Variants in MAGI2 observed in about 807,000 individuals in gnomAD.
The protein encoded by MAGI2 is membrane-associated guanylate kinase, WW and PDZ domain-containing protein 2.
MAGI2 carries 35 observed loss-of-function variants against 133.3 expected under a neutral mutation model. That is an observed-to-expected ratio of 0.26 (90% CI 0.20 to 0.35). The LOEUF is 0.35. Among genes scored for constraint, MAGI2 ranks in the 10% least tolerant of loss-of-function variants. The pLI is 1.00. For missense variants in MAGI2, 1,636 were observed against 1,863.4 expected (o/e 0.88, Z 2.25); for synonymous variants, 729 against 710.6 (o/e 1.03, Z -0.41).
At chr7:78,027,969 A>C (rs1246623714) in intron 21 of MAGI2, among the ~76,000 whole-genome samples, 10 of 152,334 alleles carry the variant, frequency 6.6e-5, no homozygotes, top group Admixed American at 5.9e-4. Flanking sequence ...ATTTTCTTTT[A>C]ATTTAGAATA....
intron 10 of MAGI2, among the ~76,000 whole-genome samples, chr7:78,206,508 G>C (rs1195457420): frequency 6.6e-6 from 1 of 151,968 alleles, no homozygotes; most frequent in African/African-American, 2.4e-5. Flanking sequence ...GGCCAGGCTG[G>C]TCTCAAACTC....
At chr7:78,774,369 A>G (rs1825818737) in intron 2 of MAGI2, among the ~76,000 whole-genome samples, 1 of 152,190 alleles carries the variant, frequency 6.6e-6, no homozygotes, top group Non-Finnish European at 1.5e-5. Flanking sequence ...AAAAGGCAAT[A>G]TCATAAACAT....
chr7:79,260,594 T>G (rs1437393733), intron 1 of MAGI2, among the ~76,000 whole-genome samples: 7 of 151,898 alleles, frequency 4.6e-5, no homozygotes. Flanking sequence ...TACTCAAAAA[T>G]CCAAAAATTT....
intron 21 of MAGI2, among the ~76,000 whole-genome samples, chr7:78,065,275 A>T (rs1194416595): frequency 6.6e-6 from 1 of 152,120 alleles, no homozygotes; most frequent in African/African-American, 2.4e-5. Flanking sequence ...CCCAGGGAGG[A>T]TGCTCTGAAA....
At chr7:78,030,546 C>T (rs1809458715) in intron 21 of MAGI2, among the ~76,000 whole-genome samples, 1 of 152,218 alleles carries the variant, frequency 6.6e-6, no homozygotes, top group Non-Finnish European at 1.5e-5. Context: ...TGAGCCACTG[C>T]ACCCGGCCTG....
chr7:78,498,617 G>A (rs1019391442), intron 5 of MAGI2, among the ~76,000 whole-genome samples: 2 of 152,146 alleles, frequency 1.3e-5, no homozygotes, highest in African/African-American at 4.8e-5. Flanking sequence ...TGTTGGTGGT[G>A]ATGGTATGGA....
At chr7:79,119,924 G>A (rs1036760550) in intron 1 of MAGI2, among the ~76,000 whole-genome samples, 7 of 152,060 alleles carry the variant, frequency 4.6e-5, no homozygotes, top group African/African-American at 1.7e-4. Flanking sequence ...GAGCATTAAC[G>A]ATAAGGTAAG....
At chr7:78,607,886 T>G (rs1007526260) in intron 3 of MAGI2, among the ~76,000 whole-genome samples, 1 of 152,178 alleles carries the variant, frequency 6.6e-6, no homozygotes, top group African/African-American at 2.4e-5. Context: ...CTGGCTCAGC[T>G]TGGCTCTCAG....
intron 6 of MAGI2, among the ~76,000 whole-genome samples, chr7:78,396,937 T>G (rs73701460): frequency 1.7e-3 from 265 of 152,252 alleles, no homozygotes; most frequent in African/African-American, 6.1e-3. Flanking sequence ...ATATTTTCAT[T>G]TAGCTTCCTA....
chr7:78,277,878 A>G (rs1795203450), intron 9 of MAGI2, among the ~76,000 whole-genome samples: 1 of 152,142 alleles, frequency 6.6e-6, no homozygotes, highest in Admixed American at 6.6e-5. Context: ...AGGGAGAGGT[A>G]GAAAATGCAT....
intron 4 of MAGI2, among the ~76,000 whole-genome samples, chr7:78,507,608 T>C (rs1795202462): frequency 6.6e-6 from 1 of 152,118 alleles, no homozygotes; most frequent in African/African-American, 2.4e-5. Flanking sequence ...AGCAACTATA[T>C]AGAGTACTAC....
intron 2 of MAGI2, among the ~76,000 whole-genome samples, chr7:78,892,407 A>G (rs902833994): frequency 1.3e-5 from 2 of 152,210 alleles, no homozygotes; most frequent in African/African-American, 2.4e-5. Flanking sequence ...ACCAAAAAAG[A>G]GCCCACATCA....
chr7:79,377,982 C>A (rs1363819597), intron 1 of MAGI2, among the ~76,000 whole-genome samples: 4 of 151,798 alleles, frequency 2.6e-5, no homozygotes, highest in Admixed American at 1.3e-4. Context: ...CTGAACAGTG[C>A]GTGATTCAGA....
intron 9 of MAGI2, among the ~76,000 whole-genome samples, chr7:78,281,013 T>C (rs1382000211): frequency 6.6e-6 from 1 of 152,150 alleles, no homozygotes; most frequent in African/African-American, 2.4e-5. Flanking sequence ...TCATAACTTT[T>C]ACCTGCTATC....
chr7:78,754,220 A>G (rs1338401818), intron 2 of MAGI2, among the ~76,000 whole-genome samples: 1 of 151,896 alleles, frequency 6.6e-6, no homozygotes, highest in Non-Finnish European at 1.5e-5. Context: ...TCTACAAAAA[A>G]ATTAGCTGGG....
chr7:78,115,934 T>C (rs540272412), intron 20 of MAGI2, among the ~76,000 whole-genome samples: 6 of 152,346 alleles, frequency 3.9e-5, no homozygotes, highest in African/African-American at 1.4e-4. Flanking sequence ...AGTAAGACTA[T>C]AAAATAGCTG....
chr7:78,716,010 G>A (rs548282708), intron 2 of MAGI2, among the ~76,000 whole-genome samples: 67 of 152,262 alleles, frequency 4.4e-4, no homozygotes, highest in African/African-American at 1.5e-3. Context: ...TGCCCTTCAC[G>A]TGGTAAGTCA....
chr7:79,118,395 A>G (rs967178027), intron 1 of MAGI2, among the ~76,000 whole-genome samples: 2 of 152,168 alleles, frequency 1.3e-5, no homozygotes, highest in Non-Finnish European at 2.9e-5. Context: ...GCTGAATGTC[A>G]TAGCCACATT....
At chr7:79,148,138 AG>A (rs1822829922) in intron 1 of MAGI2, among the ~76,000 whole-genome samples, 1 of 152,168 alleles carries the variant, frequency 6.6e-6, no homozygotes, top group African/African-American at 2.4e-5. Flanking sequence ...GGAAATTTTC[AG>A]AACAGCTCTT....
Sources: allele counts gnomAD v4.1 joint callset (sites outside exome capture counted in the v4.1 genomes callset), GRCh38; gene constraint gnomAD v4.1.1; transcripts MANE v1.5; gene names NCBI Gene and HGNC (gene_info 2026-07-23, HGNC 2026-07-21).